The following SLF2 variants were observed in gnomAD, a reference collection of about 807,000 sequenced individuals.
SLF2 encodes the protein SMC5-SMC6 complex localization factor protein 2.
A neutral mutation model predicts 124.3 loss-of-function variants in SLF2; 68 were observed. The ratio of observed to expected loss-of-function variants is 0.55; its 90% CI spans 0.45 to 0.67. The LOEUF is 0.67. Among genes scored for constraint, SLF2 ranks in the 30% least tolerant of loss-of-function variants. The pLI, the probability that SLF2 is intolerant of heterozygous loss-of-function variation, is 0.00. For synonymous variants in SLF2, 480 were observed against 478.8 expected (o/e 1.00, Z -0.03); for missense variants, 1,246 against 1,373.7 (o/e 0.91, Z 1.47).
In SLF2 at chr10:100,963,780, T is replaced by C. The variant is rs981637171; in HGVS notation, c.*1868T>C. ...ATTGATGGGGGGGACAAGTGGGTTA[T>C]TCAGGTTTTTTTTTAATGACCCTTT... On this transcript the variant is annotated 3_prime_UTR_variant, in exon 20 of 20. Coordinates refer to ENST00000238961, the MANE Select transcript of SLF2 (RefSeq NM_018121.4). The C allele has an allele frequency of 6.6e-6, 1 of 152,584 alleles. No individual in the cohort carries two copies. Among genetic ancestry groups the C allele is most frequent in the Non-Finnish European group, 1.5e-5 (1 of 68,028 alleles). The allele number at this position is 152,584 out of a possible 1,614,324, so 9.5% of individuals were successfully genotyped here.
intron 13 of SLF2, 75 bp from the exon 14 acceptor site, chr10:100,946,964 G>T: frequency 8.8e-7 from 1 of 1,137,896 alleles, no homozygotes; most frequent in East Asian, 2.4e-5. Context: ...GTCAAGAAGG[G>T]TTGTAGATGA....
intron 9 of SLF2, among the ~76,000 whole-genome samples, chr10:100,932,147 G>A (rs1197788813): frequency 2.0e-5 from 3 of 151,992 alleles, no homozygotes; most frequent in African/African-American, 4.8e-5. Flanking sequence ...GTTATTCTTC[G>A]CAGTGGCTCA....
At position 100,959,452 on chromosome 10, in the gene SLF2, C is replaced by T. The variant is rs745320966; in HGVS notation, c.3442C>T (p.His1148Tyr). 1.9e-6 allele frequency: 3 copies of T among 1,609,510 alleles called. No homozygotes were observed. Among genetic ancestry groups the T allele is most frequent in the South Asian group, 1.1e-5 (1 of 89,886 alleles). Residue 1148 changes from histidine (H) to tyrosine (Y), a missense_variant, in exon 19 of 20, where the codon CAT becomes TAT. Transcript: ENST00000238961. ...TKVKDLVARI[H>Y]GKWQEIIQNC... ...GGTGAAAGACTTGGTCGCCAGGATA[C>T]ATGGAAAATGGCAGGAAATAATCCA...
At chr10:100,926,058 TTTGC>T (rs778695482) in intron 6 of SLF2, 39 bp downstream of exon 6, 208 of 1,614,074 alleles carry the variant, frequency 1.3e-4, no homozygotes, top group Non-Finnish European at 2.9e-5. Flanking sequence ...AATTTAACAT[TTTGC>T]TTGTTTGTGT....
Position 100,931,006 on chromosome 10 carries a change from A to C in SLF2, c.2364A>C (p.Thr788=). 1 of 1,614,046 alleles carries C rather than the reference A, an allele frequency of 6.2e-7. No individual in the cohort carries two copies. Among genetic ancestry groups the C allele is most frequent in the Non-Finnish European group, 8.5e-7 (1 of 1,179,980 alleles). ...GAAAAACAGATCAGATTTTTTTGAC[A>C]ACACAAGGTTTCCTTACGTCTGCTT... is the stretch of plus-strand genomic sequence containing the variant. ...KSGKTDQIFL[T]TQGFLTSAYH... is the part of the protein sequence containing the mutation. Residue 788 remains threonine (T), a synonymous_variant, in exon 9 of 20, where the codon ACA becomes ACC. Coordinates refer to ENST00000238961, the MANE Select transcript of SLF2 (RefSeq NM_018121.4).
At position 100,913,232 on chromosome 10, in the gene SLF2, C is replaced by A; in HGVS notation, c.122C>A (p.Thr41Lys). The A allele has an allele frequency of 6.2e-7, 1 of 1,609,568 alleles. No individual in the cohort carries two copies. The highest frequency in any genetic ancestry group is 1.7e-5 in the Admixed American group (1 of 59,518). Residue 41 changes from threonine to lysine, a missense_variant, in exon 1 of 20, where the codon ACA (threonine) becomes AAA (lysine). Coordinates refer to ENST00000238961, the MANE Select transcript of SLF2 (RefSeq NM_018121.4). ...GCCCATGCTGCAGCGGGAAAGAGAA[C>A]AGAGAGTCCTGGGGACAGGTACCGT... Reference protein sequence around the residue: ...STAHAAAGKRTESPGDRKQSI... With the variant: ...STAHAAAGKRKESPGDRKQSI...
intron 19 of SLF2, among the ~76,000 whole-genome samples, chr10:100,961,211 C>T (rs912950862): frequency 6.6e-6 from 1 of 151,668 alleles, no homozygotes; most frequent in Non-Finnish European, 1.5e-5. Flanking sequence ...CAGGTTTCAC[C>T]GTGTTAGCCA....
Position 100,947,807 on chromosome 10 carries a change from A to G in SLF2, c.3080A>G (p.Asp1027Gly). The change falls in exon 15 of 20, where the codon GAT (aspartate) becomes GGT (glycine). Residue 1027 changes from aspartate (D) to glycine (G), a missense_variant. This residue lies in a region of SLF2 where 535 missense variants were observed against 632.8 expected (regional missense o/e 0.85). Transcript: ENST00000238961. ...LSLVIISKLL[D>G]EKHEDVPNAS... ...CTAGTGATTATTTCAAAGCTTTTGG[A>G]TGAGAAACACGAAGATGTTCCTAAT... The G allele has an allele frequency of 6.2e-7, 1 of 1,612,426 alleles. No homozygotes were observed. The highest frequency in any genetic ancestry group is 8.5e-7 in the Non-Finnish European group (1 of 1,179,298).
intron 1 of SLF2, 157 bp downstream of exon 1, chr10:100,913,407 G>C: frequency 7.4e-7 from 1 of 1,354,238 alleles, no homozygotes; most frequent in Non-Finnish European, 9.5e-7. Context: ...TCCGCGCAGG[G>C]GCTACTGGGA....
rs572785602 is a variant in SLF2 at position 100,940,986 on chromosome 10, G to A, written c.2654+2250G>A. ...GAGTACCCTGGGATTACAGACACAC[G>A]CCACCATGCCTGGCCAATGTTTTTA... On this transcript the variant is annotated intron_variant, in intron 11 of 19. Coordinates refer to ENST00000238961, the MANE Select transcript of SLF2 (RefSeq NM_018121.4). Among the ~76,000 whole-genome samples the A allele has an allele frequency of 5.0e-4, 76 of 150,886 alleles. No homozygotes were observed. In the East Asian group the frequency reaches 0.012, roughly 25 times the overall value.
At chr10:100,930,847 G>A in intron 8 of SLF2, 129 bp from the exon 9 acceptor site, 1 of 689,476 alleles carries the variant, frequency 1.5e-6, no homozygotes, top group Non-Finnish European at 2.6e-6. Context: ...TTGGTATAGA[G>A]TCCACCTCTA....
intron 6 of SLF2, among the ~76,000 whole-genome samples, chr10:100,928,301 C>G (rs1253040109): frequency 6.6e-6 from 1 of 152,032 alleles, no homozygotes; most frequent in African/African-American, 2.4e-5. Flanking sequence ...ACTTGATAAC[C>G]AAGTAGCTAA....
chr10:100,927,902 T>G (rs929611407), intron 6 of SLF2, among the ~76,000 whole-genome samples: 1 of 152,136 alleles, frequency 6.6e-6, no homozygotes, highest in African/African-American at 2.4e-5. Context: ...TGGAGAAATG[T>G]CTTTTCAGAT....
Position 100,923,958 on chromosome 10 carries a change from CA to C in SLF2, c.974-12del. 1 of 1,485,974 alleles carries C rather than the reference CA, an allele frequency of 6.7e-7. No homozygotes were observed. The allele number at this position is 1,485,974 out of a possible 1,614,324, so 92.0% of individuals were successfully genotyped here. On this transcript the variant is annotated splice_polypyrimidine_tract_variant and intron_variant, in intron 4 of 19. Coordinates refer to ENST00000238961, the MANE Select transcript of SLF2 (RefSeq NM_018121.4). ...GAAAGTATATTTTTCACTAATCTAACAAAAATTAAATTTTAGCAGGCTCTAA... is the reference window on the plus strand; with the variant it reads ...GAAAGTATATTTTTCACTAATCTAACAAAATTAAATTTTAGCAGGCTCTAA...
rs1242035678 is a variant in SLF2 at position 100,921,939 on chromosome 10, G to A, written c.974-2036G>A. Among the ~76,000 whole-genome samples, 3 of 152,284 alleles carry A rather than the reference G, an allele frequency of 2.0e-5. No homozygotes were observed. The East Asian group carries it at 5.8e-4, about 29-fold the overall frequency. ...GGATGGAATGATTTCCTCAGGTAAT[G>A]GGAGATATCTGTAAAAGAGCAGAGA... On this transcript the variant is annotated intron_variant, in intron 4 of 19. Coordinates refer to ENST00000238961, the MANE Select transcript of SLF2 (RefSeq NM_018121.4).
At chr10:100,943,760 G>C (rs1850023540) in intron 11 of SLF2, 2 of 317,090 alleles carry the variant, frequency 6.3e-6, no homozygotes, top group South Asian at 5.9e-5. Flanking sequence ...GAAATCATTA[G>C]TGTTTGCCTT....
chr10:100,925,946 T>C lies in SLF2; in HGVS notation c.1972-3T>C. The stretch of plus-strand genomic sequence containing the variant: ...AAAGTATTTCTAAATGTTCTTGTTT[T>C]AGGGACATGTTCATCCTGGAACTTA... On this transcript the variant is annotated splice_region_variant and splice_polypyrimidine_tract_variant and intron_variant, in intron 5 of 19. Transcript: ENST00000238961. 1 of 1,580,230 alleles carries C rather than the reference T, an allele frequency of 6.3e-7. No homozygotes were observed. Among genetic ancestry groups the C allele is most frequent in the East Asian group, 2.2e-5 (1 of 44,598 alleles).
chr10:100,950,091 C>A lies in SLF2; in HGVS notation c.3136C>A (p.Arg1046Ser). 7 of 1,611,926 alleles carry A rather than the reference C, an allele frequency of 4.3e-6. No individual in the cohort carries two copies. Among genetic ancestry groups the A allele is most frequent in the Non-Finnish European group, 5.9e-6 (7 of 1,178,946 alleles). The change falls in exon 16 of 20, where the codon CGC (arginine) becomes AGC (serine). Residue 1046 changes from arginine (R) to serine (S), a missense_variant. By Grantham distance (110) the Arg-to-Ser change is moderately radical (BLOSUM62 -1). Coordinates refer to ENST00000238961, the MANE Select transcript of SLF2 (RefSeq NM_018121.4). ...ASNLQVSVLH[R>S]YLVQMKPSDL... ...CTTTTGATAGGTATCAGTCCTACAT[C>A]GCTATCTTGTGCAGATGAAGCCTTC...
chr10:100,947,671 A>G, intron 14 of SLF2, 89 bp from the exon 15 acceptor site: 1 of 819,626 alleles, frequency 1.2e-6, no homozygotes, highest in Non-Finnish European at 2.0e-6. Flanking sequence ...ATTTCCAATT[A>G]GAACTAGAGC....
Sources: allele counts gnomAD v4.1 joint callset (sites outside exome capture counted in the v4.1 genomes callset), GRCh38; gene constraint gnomAD v4.1.1; regional missense constraint gnomAD v4.1.1; transcripts MANE v1.5; gene names NCBI Gene and HGNC (gene_info 2026-07-23, HGNC 2026-07-21).